PCNX2: variants seen among roughly 807,000 people sequenced by gnomAD.
PCNX2 encodes pecanex 2.
Under a neutral mutation model 223.8 loss-of-function variants are expected in PCNX2, and 168 were observed. That is an observed-to-expected ratio of 0.75 (90% CI 0.66 to 0.85). The LOEUF is 0.85. Ranked by LOEUF, PCNX2 falls within the 40% of genes least tolerant of loss-of-function variation. The probability of loss-of-function intolerance (pLI) is 0.00; values close to 1 mark genes in which losing one functional copy is unlikely to be tolerated. For missense variants in PCNX2, 2,507 were observed against 2,675.5 expected, an observed-to-expected ratio of 0.94 and a Z score of 1.39; for synonymous variants, 1,006 against 1,052.6, an observed-to-expected ratio of 0.96 and a Z score of 0.86.
intron 25 of PCNX2, among the ~76,000 whole-genome samples, chr1:233,030,306 A>G (rs895401985): frequency 6.6e-6 from 1 of 152,020 alleles, no homozygotes; most frequent in Non-Finnish European, 1.5e-5. Flanking sequence ...TATTCTCCAT[A>G]TGTTCATTCA....
intron 21 of PCNX2, among the ~76,000 whole-genome samples, chr1:233,121,460 A>G (rs1191906699): frequency 2.0e-5 from 3 of 152,252 alleles, no homozygotes; most frequent in Non-Finnish European, 4.4e-5. Context: ...ATAGTTATCA[A>G]GACAACATGG....
At chr1:233,174,615 G>A (rs143887512) in intron 17 of PCNX2, among the ~76,000 whole-genome samples, 4 of 152,090 alleles carry the variant, frequency 2.6e-5, no homozygotes, top group Admixed American at 1.3e-4. Flanking sequence ...GGAAAAGACT[G>A]TTTGAATTTT....
intron 9 of PCNX2, 33 bp from the exon 10 acceptor site, chr1:233,227,404 G>C (rs764233759): frequency 6.3e-7 from 1 of 1,596,994 alleles, no homozygotes; most frequent in Non-Finnish European, 8.5e-7. Context: ...ACAGAAAAAA[G>C]GGCTTTATGT....
chr1:233,317,436 A>AAACC, the PCNX2 span, among the ~76,000 whole-genome samples: 3 of 151,752 alleles, frequency 2.0e-5, no homozygotes, highest in Non-Finnish European at 2.9e-5. Context: ...ACAAACAAAC[A>AAACC]AACCAAACCA....
chr1:233,090,285 T>C, intron 22 of PCNX2, 95 bp from the exon 23 acceptor site: 1 of 1,396,774 alleles, frequency 7.2e-7, no homozygotes, highest in Non-Finnish European at 9.7e-7. Flanking sequence ...TAAAGTCATT[T>C]TTTCCACCAA....
In PCNX2 at chr1:233,075,696, AACACACACAC is replaced by A. The variant is rs369431993; in HGVS notation, c.4076+14355_4076+14364del. 2.5e-3 allele frequency among the ~76,000 whole-genome samples: 339 copies of A among 137,348 alleles called. 2 individuals are homozygous for A. The highest frequency in any genetic ancestry group is 8.0e-3 in the African/African-American group (287 of 36,078). 90.1% of individuals were successfully genotyped at this position (137,348 alleles called of 152,430 possible). A position where few individuals can be genotyped will look rare whatever the true frequency, so the allele number is the denominator to read the frequency against. On this transcript the variant is annotated intron_variant, in intron 23 of 33. Coordinates refer to ENST00000258229, the MANE Select transcript of PCNX2 (RefSeq NM_014801.4). ...GCATTTGAATCTGCAGTTAGCTTAA[AACACACACAC>A]ACACACACACACACACACACACACA...
At chr1:233,046,245 T>C (rs1671819499) in intron 25 of PCNX2, among the ~76,000 whole-genome samples, 1 of 152,070 alleles carries the variant, frequency 6.6e-6, no homozygotes, top group South Asian at 2.1e-4. Flanking sequence ...CTGCCTCAGG[T>C]TGGGGTGAAG....
intron 22 of PCNX2, chr1:233,095,548 T>G (rs1362186645): frequency 1.7e-6 from 1 of 576,286 alleles, no homozygotes; most frequent in Non-Finnish European, 3.1e-6. Context: ...CTCCTGAATA[T>G]GCATTAAGAA....
At position 233,000,352 on chromosome 1, in the gene PCNX2, T is replaced by C. The variant is rs780382939; in HGVS notation, c.5281A>G (p.Lys1761Glu). The C allele has an allele frequency of 6.2e-7, 1 of 1,613,860 alleles. No individual in the cohort carries two copies. The highest frequency in any genetic ancestry group is 8.5e-7 in the Non-Finnish European group (1 of 1,179,818). Residue 1761 changes from lysine to glutamate, a missense_variant, in exon 30 of 34, where the codon AAG becomes GAG. Physicochemically the swap from Lys to Glu is moderately conservative, Grantham distance 56 (BLOSUM62 1). This residue lies in a region of PCNX2 where 1,372 missense variants were observed against 1,509.4 expected (regional missense o/e 0.91). Coordinates refer to ENST00000258229, the MANE Select transcript of PCNX2 (RefSeq NM_014801.4). This position sits in a 1 kb window ranked among gnomAD's most constrained non-coding sequence, Gnocchi z 4.6. ...AAGCTTCTGTGGAGCATGATGACCT[T>C]GTACTCGTCGGCACCCTCGTCCACC... ...HVVDEGADEY[K>E]VIMLHRSFLS... is the part of the protein sequence containing the mutation.
upstream of PCNX2, among the ~76,000 whole-genome samples, chr1:233,300,478 G>A (rs1662240976): frequency 6.6e-6 from 1 of 152,316 alleles, no homozygotes; most frequent in South Asian, 2.1e-4. Flanking sequence ...TAAGCAAAGT[G>A]TGTTTACTCT....
At chr1:233,320,679 T>C in the PCNX2 span, among the ~76,000 whole-genome samples, 1 of 152,214 alleles carries the variant, frequency 6.6e-6, no homozygotes, top group Non-Finnish European at 1.5e-5. Flanking sequence ...TTTTCTTTAA[T>C]ACACTTTGAA....
At chr1:233,170,330 T>G (rs1679076828) in intron 17 of PCNX2, among the ~76,000 whole-genome samples, 1 of 152,240 alleles carries the variant, frequency 6.6e-6, no homozygotes, top group Admixed American at 6.5e-5. Flanking sequence ...ACTTTACATT[T>G]TTTTTAGTCT....
At chr1:233,199,407 A>G (rs761141330) in intron 14 of PCNX2, among the ~76,000 whole-genome samples, 4 of 151,994 alleles carry the variant, frequency 2.6e-5, no homozygotes, top group Non-Finnish European at 5.9e-5. Flanking sequence ...GCAGGAGGAG[A>G]GAGGAGACGG....
intron 21 of PCNX2, among the ~76,000 whole-genome samples, chr1:233,108,606 G>A (rs151110906): frequency 6.6e-6 from 1 of 152,348 alleles, no homozygotes; most frequent in African/African-American, 2.4e-5. Context: ...ATGCACAGGA[G>A]CACACGGCTC....
At chr1:233,157,585 G>A (rs892610840) in intron 19 of PCNX2, among the ~76,000 whole-genome samples, 3 of 152,168 alleles carry the variant, frequency 2.0e-5, no homozygotes, top group Non-Finnish European at 4.4e-5. Context: ...GCTCCTATGA[G>A]AAAGAATATG....
chr1:233,250,613 C>A, intron 8 of PCNX2, 126 bp downstream of exon 8: 1 of 1,331,786 alleles, frequency 7.5e-7, no homozygotes, highest in South Asian at 2.3e-5. Flanking sequence ...CATACAAAAC[C>A]ACATGCCTTA....
At chr1:233,271,433 C>A (rs1660630788) in intron 1 of PCNX2, among the ~76,000 whole-genome samples, 1 of 152,162 alleles carries the variant, frequency 6.6e-6, no homozygotes, top group African/African-American at 2.4e-5. Flanking sequence ...TTCATTACCA[C>A]CAAGTTCCTT....
rs1207614158 is a variant in PCNX2 at position 233,286,417 on chromosome 1, CAG to C, written c.153+8907_153+8908del. On this transcript the variant is annotated intron_variant, in intron 1 of 33. Coordinates refer to ENST00000258229, the MANE Select transcript of PCNX2 (RefSeq NM_014801.4). ...TTCCCTCCTAGAAAAGGTGAAAGAT[CAG>C]AGACTGGCTGGCTAGCTGCTTTGAT... 7.2e-5 allele frequency among the ~76,000 whole-genome samples: 11 copies of C among 152,300 alleles called. No individual in the cohort carries two copies. In the South Asian group the frequency reaches 2.3e-3, roughly 32 times the overall value.
chr1:233,321,013 CTTTTTTTTTTT>C, the PCNX2 span, among the ~76,000 whole-genome samples: 2 of 70,358 alleles, frequency 2.8e-5, no homozygotes, highest in South Asian at 1.3e-3. Flanking sequence ...AAAATGTCTT[CTTTTTTTTTTT>C]TTTTTTTTTT....
Sources: gnomAD v4.1 joint callset for allele counts (sites outside exome capture counted in the v4.1 genomes callset) on GRCh38, gnomAD v4.1.1 for gene constraint, gnomAD v4.1.1 regional missense constraint, Gnocchi (gnomAD v3.1) non-coding constraint, MANE v1.5 for transcripts, NCBI Gene and HGNC (gene_info 2026-07-23, HGNC 2026-07-21) for gene names.